GNL2: variants seen among roughly 807,000 people sequenced by gnomAD.
GNL2 encodes the protein G protein nucleolar 2, also known as nucleolar GTP-binding protein 2.
Under a neutral mutation model 92.3 loss-of-function variants are expected in GNL2, and 51 were observed. That is an observed-to-expected ratio of 0.55 (90% confidence interval 0.44 to 0.70). GNL2 has a LOEUF of 0.70. Ranked by LOEUF, GNL2 falls within the 30% of genes least tolerant of loss-of-function variation. GNL2 has a pLI of 0.00. For synonymous variants in GNL2, 283 were observed against 300.6 expected (o/e 0.94, Z 0.61); for missense variants, 844 against 895.6 (o/e 0.94, Z 0.74).
intron 1 of GNL2, 82 bp downstream of exon 1, chr1:37,595,677 C>T: frequency 3.4e-6 from 4 of 1,182,592 alleles, no homozygotes; most frequent in Non-Finnish European, 5.0e-6. Context: ...CTCGAGTAAC[C>T]CTCCTTCCCC....
At chr1:37,574,583 TG>T in intron 11 of GNL2, 81 bp downstream of exon 11, 1 of 1,422,320 alleles carries the variant, frequency 7.0e-7, no homozygotes, top group Non-Finnish European at 9.9e-7. Flanking sequence ...TGCTCATACA[TG>T]CATACCAAAA....
chr1:37,574,368 T>C lies in GNL2; in HGVS notation c.1391A>G (p.Asn464Ser), dbSNP rs1570052888. 17 of 1,613,978 alleles carry C rather than the reference T, an allele frequency of 1.1e-5. No individual in the cohort carries two copies. Among genetic ancestry groups the C allele is most frequent in the African/African-American group, 8.0e-5 (6 of 75,048 alleles). The change falls in exon 12 of 16, where the codon AAT (asparagine) becomes AGT (serine). Residue 464 changes from asparagine to serine, a missense_variant. Physicochemically the swap from Asn to Ser is conservative, Grantham distance 46 (BLOSUM62 1). Coordinates refer to ENST00000373062, the MANE Select transcript of GNL2 (RefSeq NM_013285.3). ...GRIPFFVKPP[N>S]AEPLVAPQLL... is the part of the protein sequence containing the mutation. ...CTGGGGGGCCACAAGTGGCTCTGCA[T>C]TGGGTGGCTTGACAAAGAAAGGAAT...
chr1:37,585,355 G>A (rs1643835813), intron 5 of GNL2, among the ~76,000 whole-genome samples: 2 of 151,950 alleles, frequency 1.3e-5, no homozygotes, highest in African/African-American at 4.8e-5. Context: ...CACTGCGTCT[G>A]GCCACATTTT....
intron 12 of GNL2, chr1:37,569,831 G>A (rs1232982546): frequency 6.5e-6 from 1 of 153,096 alleles, no homozygotes; most frequent in Non-Finnish European, 1.5e-5. Flanking sequence ...GTTGTGGGAA[G>A]GACCGGGTGG....
chr1:37,581,929 C>T (rs554530335), intron 8 of GNL2, among the ~76,000 whole-genome samples: 1 of 152,154 alleles, frequency 6.6e-6, no homozygotes, highest in East Asian at 1.9e-4. Context: ...TCCCAAAGTG[C>T]TGGGATTACA....
At chr1:37,593,878 T>A in intron 1 of GNL2, 32 bp from the exon 2 acceptor site, 1 of 1,497,094 alleles carries the variant, frequency 6.7e-7, no homozygotes, top group Non-Finnish European at 9.3e-7. Context: ...AGTGCACTAT[T>A]TGATAACCAA....
Position 37,575,483 on chromosome 1 carries a change from G to C in GNL2, c.1143+112C>G, listed in dbSNP as rs1301220653. On this transcript the variant is annotated intron_variant, in intron 10 of 15. Coordinates refer to ENST00000373062, the MANE Select transcript of GNL2 (RefSeq NM_013285.3). This position sits in a 1 kb window ranked among gnomAD's most constrained non-coding sequence, Gnocchi z 4.1. The stretch of plus-strand genomic sequence containing the variant: ...GCATCATGTTCCTAAAGTTTGGTCA[G>C]ACAGGCTGACCCCAAACTGCCTTCT... 2 of 599,720 alleles carry C rather than the reference G, an allele frequency of 3.3e-6. No individual in the cohort carries two copies. The highest frequency in any genetic ancestry group is 6.0e-5 in the East Asian group (2 of 33,448). 37.1% of individuals were successfully genotyped at this position (599,720 alleles called of 1,614,324 possible).
At chr1:37,595,406 G>A (rs978596492) in intron 1 of GNL2, among the ~76,000 whole-genome samples, 1 of 152,142 alleles carries the variant, frequency 6.6e-6, no homozygotes, top group Non-Finnish European at 1.5e-5. Context: ...GTATGATCAC[G>A]TGTAAAAGGC....
chr1:37,593,871 G>A, intron 1 of GNL2, 25 bp from the exon 2 acceptor site: 1 of 1,552,348 alleles, frequency 6.4e-7, no homozygotes, highest in Non-Finnish European at 8.9e-7. Flanking sequence ...AGTACACAGT[G>A]CACTATTTGA....
chr1:37,578,205 G>A (rs1169634093), intron 8 of GNL2, among the ~76,000 whole-genome samples: 2 of 152,156 alleles, frequency 1.3e-5, no homozygotes, highest in Non-Finnish European at 2.9e-5. Context: ...CTGGGAGGCT[G>A]AGGTGGGCAG....
intron 1 of GNL2, 57 bp downstream of exon 1, chr1:37,595,702 G>A: frequency 6.9e-7 from 1 of 1,451,754 alleles, no homozygotes; most frequent in Non-Finnish European, 9.7e-7. Flanking sequence ...GTGCTCCTCG[G>A]AGCCCTTCCC....
At chr1:37,570,266 T>G (rs1416566387) in intron 12 of GNL2, 1 of 152,224 alleles carries the variant, frequency 6.6e-6, no homozygotes, top group African/African-American at 2.4e-5. Flanking sequence ...ATGTGGTGGC[T>G]CACGTCTGTA....
intron 4 of GNL2, among the ~76,000 whole-genome samples, chr1:37,588,354 T>G (rs555052052): frequency 7.2e-5 from 11 of 152,262 alleles, no homozygotes; most frequent in African/African-American, 1.9e-4. Flanking sequence ...GTGAGGATGA[T>G]GCAGCAGCCC....
chr1:37,592,547 A>C (rs1347031740), intron 3 of GNL2, among the ~76,000 whole-genome samples, 165 bp downstream of exon 3: 1 of 152,186 alleles, frequency 6.6e-6, no homozygotes, highest in Non-Finnish European at 1.5e-5. Context: ...TTATTTATTA[A>C]ATTGACCACC....
At chr1:37,584,079 C>A (rs1643814487) in intron 5 of GNL2, 146 bp from the exon 6 acceptor site, 2 of 637,574 alleles carry the variant, frequency 3.1e-6, no homozygotes, top group African/African-American at 1.8e-5. Flanking sequence ...AAAGTGTGCC[C>A]AAATGTCTGT....
intron 8 of GNL2, among the ~76,000 whole-genome samples, chr1:37,580,764 T>C (rs527529747): frequency 1.3e-5 from 2 of 152,162 alleles, no homozygotes; most frequent in Non-Finnish European, 2.9e-5. Flanking sequence ...TTTGGTAGTA[T>C]GATAGTGACA....
At chr1:37,568,001 AC>A in intron 14 of GNL2, 4 of 589,404 alleles carry the variant, frequency 6.8e-6, no homozygotes, top group Non-Finnish European at 1.2e-5. Flanking sequence ...CAGGAAACAC[AC>A]CCCCCTCTTT....
intron 8 of GNL2, 95 bp from the exon 9 acceptor site, chr1:37,576,651 T>C (rs1643683711): frequency 8.1e-7 from 1 of 1,235,340 alleles, no homozygotes; most frequent in African/African-American, 1.5e-5. Flanking sequence ...AAGAATACAG[T>C]GCAAAACTGT....
At chr1:37,576,207 A>G in intron 9 of GNL2, 2 of 480,292 alleles carry the variant, frequency 4.2e-6, no homozygotes, top group Non-Finnish European at 7.4e-6. Context: ...AATCACATTA[A>G]CTAACACAGG....
Sources: allele counts gnomAD v4.1 joint callset (sites outside exome capture counted in the v4.1 genomes callset), GRCh38; gene constraint gnomAD v4.1.1; non-coding constraint Gnocchi (gnomAD v3.1); transcripts MANE v1.5; gene names NCBI Gene and HGNC (gene_info 2026-07-23, HGNC 2026-07-21).